TECRL: variants seen among roughly 807,000 people sequenced by gnomAD.
TECRL encodes trans-2,3-enoyl-CoA reductase-like.
A neutral mutation model predicts 52.8 loss-of-function variants in TECRL; 63 were observed. That is an observed-to-expected ratio of 1.19 (90% confidence interval 0.97 to 1.47). The LOEUF (loss-of-function observed/expected upper bound fraction) is 1.47, where lower values mean the gene tolerates loss of function less well. Among genes scored for constraint, TECRL ranks in the 40% most tolerant of loss-of-function variants. The pLI is 0.00. For synonymous variants in TECRL, 164 were observed against 141.9 expected (o/e 1.16, Z -1.10); for missense variants, 482 against 429.6 (o/e 1.12, Z -1.08).
chr4:64,385,542 G>A (rs1259095318), intron 1 of TECRL, among the ~76,000 whole-genome samples: 1 of 152,044 alleles, frequency 6.6e-6, no homozygotes, highest in African/African-American at 2.4e-5. Context: ...AGAAACATCC[G>A]AGCTGCTATG....
chr4:64,303,195 G>A (rs1047112760), intron 7 of TECRL, among the ~76,000 whole-genome samples: 1 of 150,898 alleles, frequency 6.6e-6, no homozygotes, highest in African/African-American at 2.4e-5. Flanking sequence ...AAATGAAAGG[G>A]AAGTTTTTTT....
chr4:64,352,267 C>A (rs560551851), intron 2 of TECRL, among the ~76,000 whole-genome samples: 1 of 152,264 alleles, frequency 6.6e-6, no homozygotes, highest in East Asian at 1.9e-4. Flanking sequence ...CACCAAGGCA[C>A]ATCAACAATT....
rs553489830 is a variant in TECRL, at chr4:64,309,962, A to T, written c.552-31T>A. 8.4e-6 allele frequency: 12 copies of T among 1,435,318 alleles called. No homozygotes were observed. In the African/African-American group the frequency reaches 1.0e-4, roughly 12 times the overall value. The allele number at this position is 1,435,318 out of a possible 1,614,324, so 88.9% of individuals were successfully genotyped here. ...AAAAAAAATAAAACATAAACATGAA[A>T]ATCCTTTTGAAGTTCTGGCTTGCCT... On this transcript the variant is annotated intron_variant, in intron 5 of 11. Coordinates refer to ENST00000381210, the MANE Select transcript of TECRL (RefSeq NM_001010874.5).
In TECRL at chr4:64,302,833, A is replaced by G. The variant is rs538843397; in HGVS notation, c.730+2333T>C. 3.3e-5 allele frequency among the ~76,000 whole-genome samples: 5 copies of G among 151,506 alleles called. No homozygotes were observed. In the South Asian group the frequency reaches 6.2e-4, roughly 19 times the overall value. On this transcript the variant is annotated intron_variant, in intron 7 of 11. Transcript: ENST00000381210. ...AAATATGATTATTTATTAAGATTAT[A>G]CCTGCTTTGCTGAAAACAGCTTTAA...
chr4:64,322,838 A>G, intron 3 of TECRL, 46 bp from the exon 4 acceptor site: 1 of 1,375,462 alleles, frequency 7.3e-7, no homozygotes, highest in Non-Finnish European at 1.0e-6. Flanking sequence ...ACAATTTCTT[A>G]GCATAACGAT....
In TECRL at chr4:64,278,008, G is replaced by A. The variant is rs1014829451; in HGVS notation, c.*2064C>T. 6.6e-6 allele frequency: 1 copy of A among 151,276 alleles called. No homozygotes were observed. The highest frequency in any genetic ancestry group is 2.4e-5 in the African/African-American group (1 of 41,232). The allele number at this position is 151,276 out of a possible 1,614,324, so 9.4% of individuals were successfully genotyped here. Reference sequence around the variant, plus strand: ...CAAATTACCAATGTACTTTTGCTTTGCAAGTGCATACAATCCATTTGAAAT... The same window carrying A: ...CAAATTACCAATGTACTTTTGCTTTACAAGTGCATACAATCCATTTGAAAT... On this transcript the variant is annotated 3_prime_UTR_variant, in exon 12 of 12. Transcript: ENST00000381210.
chr4:64,349,537 G>T (rs1212327986), intron 2 of TECRL, among the ~76,000 whole-genome samples: 1 of 152,124 alleles, frequency 6.6e-6, no homozygotes, highest in Non-Finnish European at 1.5e-5. Context: ...AATCCTTGAA[G>T]ACATTATTCC....
intron 5 of TECRL, among the ~76,000 whole-genome samples, chr4:64,313,671 C>T (rs1178552294): frequency 1.3e-5 from 2 of 149,492 alleles, no homozygotes; most frequent in African/African-American, 2.4e-5. Context: ...TTAGTAGAGA[C>T]GGGGTTTCAC....
intron 2 of TECRL, among the ~76,000 whole-genome samples, chr4:64,368,035 T>TATACTATGAAAAAGCTGGTGATATTGC: frequency 6.6e-6 from 1 of 152,054 alleles, no homozygotes; most frequent in South Asian, 2.1e-4. Flanking sequence ...GAAAGCCACA[T>TATACTATGAAAAAGCTGGTGATATTGC]ATACTATGAA....
intron 2 of TECRL, among the ~76,000 whole-genome samples, chr4:64,337,528 C>G (rs1157822017): frequency 6.6e-6 from 1 of 152,066 alleles, no homozygotes; most frequent in Non-Finnish European, 1.5e-5. Flanking sequence ...CTAGAAAACC[C>G]CATCATCTCA....
intron 6 of TECRL, among the ~76,000 whole-genome samples, 169 bp from the exon 7 acceptor site, chr4:64,305,407 T>C (rs946235440): frequency 2.0e-5 from 3 of 152,090 alleles, no homozygotes; most frequent in Non-Finnish European, 4.4e-5. Context: ...CTAAGCTAAA[T>C]AAACAGAATA....
chr4:64,328,546 C>A lies in TECRL; in HGVS notation c.297G>T (p.Trp99Cys). ...GCTGCAGACCAACTCGAGAAGGGTA[C>A]CACTTTGGACCTATTCAATGAAAAA... The part of the protein sequence containing the change: ...KQKFHKACPK[W>C]YPSRVGLQLE... The change falls in exon 3 of 12, where the codon TGG becomes TGT. Residue 99 changes from tryptophan (W) to cysteine (C), a missense_variant. Physicochemically the swap from Trp to Cys is radical, Grantham distance 215. Coordinates refer to ENST00000381210, the MANE Select transcript of TECRL (RefSeq NM_001010874.5). 1 of 1,610,648 alleles carries A rather than the reference C, an allele frequency of 6.2e-7. No individual in the cohort carries two copies. The highest frequency in any genetic ancestry group is 8.5e-7 in the Non-Finnish European group (1 of 1,177,878).
intron 2 of TECRL, among the ~76,000 whole-genome samples, chr4:64,329,822 A>G (rs1718507770): frequency 6.6e-6 from 1 of 151,844 alleles, no homozygotes; most frequent in African/African-American, 2.4e-5. Flanking sequence ...TCAAATTAAT[A>G]TACTCAATTA....
downstream of TECRL, chr4:64,276,368 G>T (rs1722575105): frequency 6.6e-6 from 1 of 151,764 alleles, no homozygotes; most frequent in Non-Finnish European, 1.5e-5. Context: ...ATGGTATAAT[G>T]AAACATATTA....
chr4:64,311,383 G>T (rs1716989903), intron 5 of TECRL, among the ~76,000 whole-genome samples: 1 of 152,160 alleles, frequency 6.6e-6, no homozygotes, highest in South Asian at 2.1e-4. Flanking sequence ...TAGAAAGTCA[G>T]ACAAACAAAA....
Position 64,279,929 on chromosome 4 carries a change from G to A in TECRL, c.*143C>T. On this transcript the variant is annotated 3_prime_UTR_variant, in exon 12 of 12. Transcript: ENST00000381210. Reference sequence around the variant, plus strand: ...CCATGTGCATTTCTCTAAATTTAGTGAAATTTTACTATTTTATATTTTTAC... The same window carrying A: ...CCATGTGCATTTCTCTAAATTTAGTAAAATTTTACTATTTTATATTTTTAC... 1.6e-6 allele frequency: 2 copies of A among 1,239,864 alleles called. No individual in the cohort carries two copies. The highest frequency in any genetic ancestry group is 2.0e-6 in the Non-Finnish European group (2 of 985,172). 76.8% of individuals were successfully genotyped at this position (1,239,864 alleles called of 1,614,324 possible).
intron 4 of TECRL, among the ~76,000 whole-genome samples, chr4:64,322,177 C>T (rs573529474): frequency 6.6e-6 from 1 of 152,138 alleles, no homozygotes; most frequent in Non-Finnish European, 1.5e-5. Flanking sequence ...GATCACCCCA[C>T]CAGATGCCTC....
In TECRL at chr4:64,281,363, C is replaced by A. The variant is rs565470965; in HGVS notation, c.918+111G>T. 1.2e-5 allele frequency: 8 copies of A among 680,334 alleles called. No individual in the cohort carries two copies. The East Asian group carries it at 2.3e-4, about 20-fold the overall frequency. The allele number at this position is 680,334 out of a possible 1,614,324, so 42.1% of individuals were successfully genotyped here. A position where few individuals can be genotyped will look rare whatever the true frequency, so the allele number is the denominator to read the frequency against. ...GTTATACCATGATCTGTGGATAAGA[C>A]CTCTATATTTTTCCTGTATATATTA... On this transcript the variant is annotated intron_variant, in intron 10 of 11. Coordinates refer to ENST00000381210, the MANE Select transcript of TECRL (RefSeq NM_001010874.5).
intron 8 of TECRL, among the ~76,000 whole-genome samples, chr4:64,296,799 A>C: frequency 6.6e-6 from 1 of 151,884 alleles, no homozygotes; most frequent in South Asian, 2.1e-4. Context: ...ATGGAAATAT[A>C]AAGAGACTAA....
Sources: allele counts gnomAD v4.1 joint callset (sites outside exome capture counted in the v4.1 genomes callset), GRCh38; gene constraint gnomAD v4.1.1; transcripts MANE v1.5; gene names NCBI Gene and HGNC (gene_info 2026-07-23, HGNC 2026-07-21).